Variants in NOX5 observed in about 807,000 individuals in gnomAD.
NOX5 encodes the protein NADPH oxidase, EF-hand calcium binding domain 5.
NOX5 carries 76 observed loss-of-function variants against 85.7 expected under a neutral mutation model. The observed-to-expected ratio is 0.89, with a 90% CI of 0.74 to 1.07. The LOEUF (loss-of-function observed/expected upper bound fraction) is 1.07, where lower values mean the gene tolerates loss of function less well. Ranked by LOEUF, NOX5 falls within the 50% of genes least tolerant of loss-of-function variation. The pLI, the probability that NOX5 is intolerant of heterozygous loss-of-function variation, is 0.00. For missense variants in NOX5, 973 were observed against 999.5 expected (o/e 0.97, Z 0.36); for synonymous variants, 405 against 401.4 (o/e 1.01, Z -0.11).
In NOX5 at chr15:69,028,189, C is replaced by G. The variant is rs781166291; in HGVS notation, c.175-26C>G. The G allele has an allele frequency of 5.1e-6, 8 of 1,564,184 alleles. No individual in the cohort carries two copies. The South Asian group carries it at 8.4e-5, about 17-fold the overall frequency. ...CCCAGGCCCTGCGGCCACAGTTGTG[C>G]TGTCTTCCACCCTTCTCGCCCACAG... On this transcript the variant is annotated intron_variant, in intron 2 of 15. Transcript: ENST00000388866.
intron 1 of NOX5, chr15:69,023,221 A>G (rs2050316710): frequency 4.1e-6 from 1 of 244,678 alleles, no homozygotes; most frequent in African/African-American, 2.4e-5. Context: ...AAATTAGCTG[A>G]GTTTTATGTC....
intron 14 of NOX5, among the ~76,000 whole-genome samples, chr15:69,049,542 T>C (rs2050721821): frequency 6.6e-6 from 1 of 152,192 alleles, no homozygotes; most frequent in Non-Finnish European, 1.5e-5. Context: ...CATCCAGCTA[T>C]CCAGGCTATC....
chr15:69,030,149 A>G lies in NOX5; in HGVS notation c.326-1369A>G, dbSNP rs564644015. ...CTACCTAAGTTCAAATCTCAGTTCC[A>G]TCACTTATTATATGATCTTAGACTA... On this transcript the variant is annotated intron_variant, in intron 3 of 15. Coordinates refer to ENST00000388866, the MANE Select transcript of NOX5 (RefSeq NM_024505.4). 3 of 152,340 alleles carry G rather than the reference A, an allele frequency of 2.0e-5. No homozygotes were observed. The South Asian group carries it at 6.2e-4, about 32-fold the overall frequency. 9.4% of individuals were successfully genotyped at this position (152,340 alleles called of 1,614,324 possible).
In NOX5 at chr15:69,059,675, T is replaced by G. The variant is rs2050853157; in HGVS notation, c.*2979T>G. Reference sequence around the variant, plus strand: ...GGCAGCAGGACCACACATGTGAGTGTACAGCACGCATGGTCTGACCATCTG... The same window carrying G: ...GGCAGCAGGACCACACATGTGAGTGGACAGCACGCATGGTCTGACCATCTG... On this transcript the variant is annotated 3_prime_UTR_variant, in exon 16 of 16. Transcript: ENST00000388866. The G allele has an allele frequency of 1.3e-5, 2 of 152,216 alleles. No homozygotes were observed. The highest frequency in any genetic ancestry group is 4.1e-4 in the South Asian group (2 of 4,828). 9.4% of individuals were successfully genotyped at this position (152,216 alleles called of 1,614,324 possible). A position where few individuals can be genotyped will look rare whatever the true frequency, so the allele number is the denominator to read the frequency against.
chr15:69,047,649 T>C, intron 12 of NOX5, 112 bp downstream of exon 12: 2 of 1,418,958 alleles, frequency 1.4e-6, no homozygotes, highest in Middle Eastern at 4.1e-4. Context: ...TGTCTCTCTC[T>C]GCTCTTCTCT....
chr15:69,050,186 G>A (rs2050729825), intron 14 of NOX5, among the ~76,000 whole-genome samples: 1 of 152,190 alleles, frequency 6.6e-6, no homozygotes, highest in Admixed American at 6.5e-5. Context: ...TTTCATTGCT[G>A]AGTAGTATTC....
At chr15:69,036,538 G>A (rs1265279756) in intron 7 of NOX5, among the ~76,000 whole-genome samples, 2 of 152,122 alleles carry the variant, frequency 1.3e-5, no homozygotes, top group East Asian at 3.8e-4. Flanking sequence ...CCTACTCTGG[G>A]CCAGCAACAA....
chr15:69,030,770 T>C lies in NOX5; in HGVS notation c.326-748T>C, dbSNP rs558360693. On this transcript the variant is annotated intron_variant, in intron 3 of 15. Coordinates refer to ENST00000388866, the MANE Select transcript of NOX5 (RefSeq NM_024505.4). ...TATGCAATTTCCTTCTCCCAGATAC[T>C]GCGTTAGGTGTTTTACCATTATCGA... 2.0e-4 allele frequency: 30 copies of C among 152,348 alleles called. No homozygotes were observed. The East Asian group carries it at 5.6e-3, about 28-fold the overall frequency. The allele number at this position is 152,348 out of a possible 1,614,324, so 9.4% of individuals were successfully genotyped here.
Position 69,020,065 on chromosome 15 carries a change from CTGTT to C in NOX5, c.50+5290_50+5293del, listed in dbSNP as rs1414020939. ...TTTTGCTACTTTCCATTGCTGGTTTCTGTTTGTTTGTTTTTGCTTCTGTCAAACC... is the reference window on the plus strand; with the variant it reads ...TTTTGCTACTTTCCATTGCTGGTTTCTGTTTGTTTTTGCTTCTGTCAAACC... On this transcript the variant is annotated intron_variant, in intron 1 of 15. Coordinates refer to ENST00000388866, the MANE Select transcript of NOX5 (RefSeq NM_024505.4). Among the ~76,000 whole-genome samples, 8 of 152,236 alleles carry C rather than the reference CTGTT, an allele frequency of 5.3e-5. 1 individual carries two copies. Among genetic ancestry groups the C allele is most frequent in the South Asian group, 2.1e-4 (1 of 4,824 alleles).
chr15:69,055,444 G>T lies in NOX5; in HGVS notation c.2110G>T (p.Asp704Tyr). 6.2e-7 allele frequency: 1 copy of T among 1,614,194 alleles called. No homozygotes were observed. Among genetic ancestry groups the T allele is most frequent in the Non-Finnish European group, 8.5e-7 (1 of 1,180,036 alleles). The change falls in exon 15 of 16, where the codon GAC becomes TAC. Residue 704 changes from aspartate (D) to tyrosine (Y), a missense_variant. Physicochemically the swap from Asp to Tyr is radical, Grantham distance 160. Coordinates refer to ENST00000388866, the MANE Select transcript of NOX5 (RefSeq NM_024505.4). ...LDLLANKEKK[D>Y]SITGLQTRTQ... ...CCTCCTGGCCAACAAGGAGAAGAAA[G>T]ACTCCATCACGGGGCTGCAGACGCG...
Position 69,038,989 on chromosome 15 carries a change from G to A in NOX5, c.1504G>A (p.Asp502Asn). The A allele has an allele frequency of 6.2e-7, 1 of 1,614,124 alleles. No homozygotes were observed. The change falls in exon 9 of 16, where the codon GAC becomes AAC. Residue 502 changes from aspartate (D) to asparagine (N), a missense_variant and splice_region_variant. Coordinates refer to ENST00000388866, the MANE Select transcript of NOX5 (RefSeq NM_024505.4). Reference protein sequence around the residue: ...FTISSAPEQKDTIWLHIRSQG... With the variant: ...FTISSAPEQKNTIWLHIRSQG... The stretch of plus-strand genomic sequence containing the variant: ...CATCAGCAGTGCTCCTGAGCAGAAA[G>A]GTAATGGCCACCTCCTCCAGTCACT...
At chr15:69,046,800 C>G (rs367942136) in intron 10 of NOX5, 22 bp from the exon 11 acceptor site, 75 of 1,611,346 alleles carry the variant, frequency 4.7e-5, no homozygotes, top group Non-Finnish European at 6.3e-5. Flanking sequence ...AGACCCATAA[C>G]TCTCTGCTCT....
chr15:69,033,542 G>C (rs930498658), intron 5 of NOX5, among the ~76,000 whole-genome samples: 2 of 152,122 alleles, frequency 1.3e-5, no homozygotes, highest in African/African-American at 4.8e-5. Context: ...CGCTCCATTT[G>C]ATCTTCACAA....
At chr15:69,022,925 G>A (rs765167990) in intron 1 of NOX5, 18 of 491,976 alleles carry the variant, frequency 3.7e-5, no homozygotes, top group African/African-American at 6.0e-5. Flanking sequence ...AAGTAGGGAC[G>A]AACAATCATC....
intron 10 of NOX5, among the ~76,000 whole-genome samples, chr15:69,044,770 A>G (rs895836099): frequency 4.6e-5 from 7 of 152,222 alleles, no homozygotes; most frequent in Admixed American, 3.3e-4. Context: ...TTTTTTCACT[A>G]TTGTTTAATA....
At chr15:69,021,521 T>C (rs2050295435) in intron 1 of NOX5, among the ~76,000 whole-genome samples, 1 of 152,210 alleles carries the variant, frequency 6.6e-6, no homozygotes, top group Non-Finnish European at 1.5e-5. Context: ...TTTCACCATG[T>C]TGGCCAGGAT....
At chr15:69,052,217 C>G (rs76190057) in intron 14 of NOX5, among the ~76,000 whole-genome samples, 5 of 131,504 alleles carry the variant, frequency 3.8e-5, no homozygotes, top group African/African-American at 1.1e-4. Flanking sequence ...GACCCTGTCT[C>G]AAAAAAAAAA....
At chr15:69,039,220 G>A (rs1422814732) in intron 9 of NOX5, among the ~76,000 whole-genome samples, 1 of 152,212 alleles carries the variant, frequency 6.6e-6, no homozygotes, top group East Asian at 1.9e-4. Context: ...GTGGAGAGAA[G>A]CCTTTGCAGA....
chr15:69,018,835 A>AT (rs1392950564), intron 1 of NOX5, among the ~76,000 whole-genome samples: 5 of 151,888 alleles, frequency 3.3e-5, no homozygotes, highest in Non-Finnish European at 5.9e-5. Context: ...ATGGAGAGGG[A>AT]TTTTTTGTTT....
Sources: gnomAD v4.1 joint callset for allele counts (sites outside exome capture counted in the v4.1 genomes callset) on GRCh38, gnomAD v4.1.1 for gene constraint, MANE v1.5 for transcripts, NCBI Gene and HGNC (gene_info 2026-07-23, HGNC 2026-07-21) for gene names.